PLSCR2: variants seen among roughly 807,000 people sequenced by gnomAD.
PLSCR2 encodes phospholipid scramblase 2.
PLSCR2 carries 18 observed loss-of-function variants against 25.3 expected under a neutral mutation model. The ratio of observed to expected loss-of-function variants is 0.71; its 90% confidence interval spans 0.49 to 1.06. The LOEUF (loss-of-function observed/expected upper bound fraction) is 1.06, where lower values mean the gene tolerates loss of function less well. PLSCR2 is among the 50% of genes least tolerant of loss of function. The pLI, the probability that PLSCR2 is intolerant of heterozygous loss-of-function variation, is 0.00. For synonymous variants in PLSCR2, 88 were observed against 87.3 expected, an observed-to-expected ratio of 1.01 and a Z score of -0.04; for missense variants, 243 against 269.5, an observed-to-expected ratio of 0.90 and a Z score of 0.69.
At chr3:146,492,416 C>CA (rs915174718) in intron 1 of PLSCR2, among the ~76,000 whole-genome samples, 3 of 151,860 alleles carry the variant, frequency 2.0e-5, no homozygotes, top group African/African-American at 7.3e-5. Flanking sequence ...AAGCAATTCA[C>CA]AAAAAATTTA....
chr3:146,408,910 C>T (rs956403185), intron 2 of PLSCR2, among the ~76,000 whole-genome samples: 1 of 151,910 alleles, frequency 6.6e-6, no homozygotes, highest in East Asian at 1.9e-4. Flanking sequence ...AAGACCTCCT[C>T]AAGGAGGTCT....
exon 4 of PLSCR2, chr3:146,455,261 C>T: frequency 6.2e-7 from 1 of 1,613,578 alleles, no homozygotes; most frequent in Non-Finnish European, 8.5e-7. Context: ...GCAGGGGCAA[C>T]AACAACAGTT....
chr3:146,478,852 G>A (rs569342191), intron 1 of PLSCR2, among the ~76,000 whole-genome samples: 201 of 152,222 alleles, frequency 1.3e-3, no homozygotes, highest in African/African-American at 4.6e-3. Flanking sequence ...GACAAAGGTC[G>A]GGTTACCCAC....
At chr3:146,435,432 T>A (rs528822723) in intron 8 of PLSCR2, among the ~76,000 whole-genome samples, 2 of 152,326 alleles carry the variant, frequency 1.3e-5, no homozygotes, top group East Asian at 3.9e-4. Context: ...CTCCAGCATC[T>A]GTTGTTTCCT....
chr3:146,394,428 G>A (rs966895977), intron 3 of PLSCR2, among the ~76,000 whole-genome samples: 2 of 151,714 alleles, frequency 1.3e-5, no homozygotes, highest in East Asian at 1.9e-4. Flanking sequence ...TCACCTGCTC[G>A]GCTGATTTTG....
chr3:146,470,591 T>C (rs2042079803), intron 1 of PLSCR2, among the ~76,000 whole-genome samples: 1 of 151,766 alleles, frequency 6.6e-6, no homozygotes, highest in Non-Finnish European at 1.5e-5. Flanking sequence ...AATAACACCA[T>C]ATATGGAGAA....
intron 1 of PLSCR2, among the ~76,000 whole-genome samples, chr3:146,468,913 G>T (rs918522615): frequency 6.6e-6 from 1 of 152,198 alleles, no homozygotes; most frequent in African/African-American, 2.4e-5. Context: ...GCAATGGAAA[G>T]AACATATATG....
Position 146,447,062 on chromosome 3 carries a change from C to T in PLSCR2, c.645+2144G>A, listed in dbSNP as rs1235873210. Among the ~76,000 whole-genome samples, 5 of 152,276 alleles carry T rather than the reference C, an allele frequency of 3.3e-5. No individual in the cohort carries two copies. The South Asian group carries it at 8.3e-4, about 25-fold the overall frequency. ...TTCGGTCAGCTTGTGGTGAATTATG[C>T]CAGTCCTGAATATCTCCCTTCATGG... is the stretch of plus-strand genomic sequence containing the variant. On this transcript the variant is annotated intron_variant, in intron 6 of 6. Coordinates refer to ENST00000610787, the Ensembl canonical transcript of PLSCR2.
chr3:146,409,814 G>T (rs1397601214), intron 2 of PLSCR2, among the ~76,000 whole-genome samples: 1 of 152,136 alleles, frequency 6.6e-6, no homozygotes, highest in African/African-American at 2.4e-5. Context: ...TTTGAGCAGA[G>T]ATATTAGATC....
rs2040738654 is a variant in PLSCR2 at position 146,449,121 on chromosome 3, A to G, written c.645+85T>C. ...TAAAACCTTTACACTTTAAATGGTA[A>G]TCTTAAAATGTATAATTTATTGAAG... is the stretch of plus-strand genomic sequence containing the variant. On this transcript the variant is annotated intron_variant, in intron 6 of 6. Coordinates refer to ENST00000610787, the Ensembl canonical transcript of PLSCR2. The G allele has an allele frequency of 8.1e-6, 8 of 988,132 alleles. No individual in the cohort carries two copies. The Admixed American group carries it at 1.7e-4, about 20-fold the overall frequency. 61.2% of individuals were successfully genotyped at this position (988,132 alleles called of 1,614,324 possible).
chr3:146,427,209 C>T (rs1388202266), intron 2 of PLSCR2, among the ~76,000 whole-genome samples: 1 of 152,138 alleles, frequency 6.6e-6, no homozygotes, highest in Non-Finnish European at 1.5e-5. Context: ...AGGCCATATA[C>T]CATGTATCCA....
chr3:146,411,954 T>C (rs2038867917), intron 2 of PLSCR2, among the ~76,000 whole-genome samples: 1 of 150,318 alleles, frequency 6.7e-6, no homozygotes, highest in African/African-American at 2.5e-5. Context: ...GTCTTATCAG[T>C]TAATTGCATT....
chr3:146,421,354 T>C (rs1312605138), intron 2 of PLSCR2, among the ~76,000 whole-genome samples: 2 of 152,102 alleles, frequency 1.3e-5, no homozygotes, highest in East Asian at 3.9e-4. Flanking sequence ...TTTTATCTCA[T>C]ATTAGATCAG....
downstream of PLSCR2, among the ~76,000 whole-genome samples, chr3:146,440,124 C>T (rs1018259727): frequency 6.6e-6 from 1 of 152,144 alleles, no homozygotes; most frequent in African/African-American, 2.4e-5. Flanking sequence ...CTGCCTGATC[C>T]TTCCTCTGGA....
intron 6 of PLSCR2, among the ~76,000 whole-genome samples, chr3:146,444,184 T>C (rs1271893239): frequency 1.3e-5 from 2 of 152,054 alleles, no homozygotes; most frequent in South Asian, 2.1e-4. Flanking sequence ...GCCTAACATA[T>C]AGTTTATCCT....
chr3:146,403,701 T>C (rs942982893), intron 2 of PLSCR2, among the ~76,000 whole-genome samples: 3 of 152,200 alleles, frequency 2.0e-5, no homozygotes, highest in African/African-American at 4.8e-5. Flanking sequence ...TGTGTCACTA[T>C]AGCAGAATAT....
At chr3:146,494,482 T>A (rs1457827432) in intron 1 of PLSCR2, 2 of 152,200 alleles carry the variant, frequency 1.3e-5, no homozygotes, top group Non-Finnish European at 2.9e-5. Flanking sequence ...CTAATAAGTA[T>A]AACTATATTG....
chr3:146,411,583 A>G (rs1324959664), intron 2 of PLSCR2, among the ~76,000 whole-genome samples: 1 of 152,326 alleles, frequency 6.6e-6, no homozygotes, highest in East Asian at 1.9e-4. Context: ...CGGTGGCATT[A>G]ATATCTCACT....
At chr3:146,402,563 G>A (rs1351053189) in intron 2 of PLSCR2, among the ~76,000 whole-genome samples, 1 of 152,010 alleles carries the variant, frequency 6.6e-6, no homozygotes. Flanking sequence ...CGCCTCCCAG[G>A]TTCAAGTGAT....
Sources: allele counts gnomAD v4.1 joint callset (sites outside exome capture counted in the v4.1 genomes callset), GRCh38; gene constraint gnomAD v4.1.1; transcripts MANE v1.5; gene names NCBI Gene and HGNC (gene_info 2026-07-23, HGNC 2026-07-21).